The following PQBP1 variants were observed in gnomAD, a reference collection of about 807,000 sequenced individuals.
PQBP1 encodes the protein polyglutamine-binding protein 1.
In PQBP1, 3 loss-of-function variants were observed where a neutral mutation model predicts 20.9. That is an observed-to-expected ratio of 0.14 (90% confidence interval 0.07 to 0.37). The LOEUF (loss-of-function observed/expected upper bound fraction) is 0.37, where lower values mean the gene tolerates loss of function less well. PQBP1 is among the 10% of genes least tolerant of loss of function. PQBP1 has a pLI of 1.00. For missense variants in PQBP1, 162 were observed against 240.3 expected (o/e 0.67, Z 2.16); for synonymous variants, 83 against 93.8 (o/e 0.88, Z 0.67).
intron 5 of PQBP1, 87 bp from the exon 6 acceptor site, chrX:48,902,645 G>A (rs2063440602): frequency 1.7e-6 from 2 of 1,153,016 alleles, no homozygotes; most frequent in Non-Finnish European, 2.3e-6. Flanking sequence ...TGGCAGCCAG[G>A]GGCTTCATTT....
Position 48,903,034 on chromosome X carries a change from G to A in PQBP1, c.748G>A (p.Ala250Thr). 8.3e-7 allele frequency: 1 copy of A among 1,208,116 alleles called. No individual in the cohort carries two copies. The highest frequency in any genetic ancestry group is 1.1e-6 in the Non-Finnish European group (1 of 893,992). ...FQQRPYPSPG[A>T]VLRANAEASR... ...GCAGCGGCCGTATCCATCCCCAGGG[G>A]CTGTGCTCCGGGCCAATGCAGAGGC... The change falls in exon 7 of 7, where the codon GCT becomes ACT. Residue 250 changes from alanine to threonine, a missense_variant. Coordinates refer to ENST00000447146, the MANE Select transcript of PQBP1 (RefSeq NM_001032382.2).
chrX:48,898,785 CTTTT>C (rs34214032), intron 2 of PQBP1, among the ~76,000 whole-genome samples: 42 of 21,479 alleles, frequency 2.0e-3, no homozygotes, highest in Non-Finnish European at 2.9e-3. Context: ...ATATTTCATT[CTTTT>C]TTTTTTTTTT....
intron 1 of PQBP1, 187 bp from the exon 2 acceptor site, chrX:48,898,305 G>A (rs2063340737): frequency 1.6e-6 from 1 of 626,058 alleles, no homozygotes; most frequent in African/African-American, 2.2e-5. Context: ...TAGGGTTGGT[G>A]GGAGTTGCGA....
Position 48,897,971 on chromosome X carries a change from A to G in PQBP1, c.-130A>G, listed in dbSNP as rs2063333736. On this transcript the variant is annotated 5_prime_UTR_variant, in exon 1 of 7. Transcript: ENST00000447146. ...CGGGGAGTGAAGGCCTCGTTGAGAG[A>G]AGGTCTCATTCGGTGTTTTGGGAAG... The G allele has an allele frequency of 7.8e-6, 7 of 901,034 alleles. No homozygotes were observed. Among genetic ancestry groups the G allele is most frequent in the Non-Finnish European group, 8.9e-6 (6 of 673,183 alleles). The allele number at this position is 901,034 out of a possible 1,213,427, so 74.3% of individuals were successfully genotyped here.
In PQBP1 at chrX:48,901,989, A is replaced by T; in HGVS notation, c.239A>T (p.Asp80Val). Residue 80 changes from aspartate to valine, a missense_variant, in exon 4 of 7, where the codon GAC becomes GTC. Physicochemically the swap from Asp to Val is radical, Grantham distance 152 (BLOSUM62 -3). Coordinates refer to ENST00000447146, the MANE Select transcript of PQBP1 (RefSeq NM_001032382.2). ...CTTGTATCCTGGCTCTCCCCACATGACCCCAACTCCGTGGTTACCAAATCG... is the reference window on the plus strand; with the variant it reads ...CTTGTATCCTGGCTCTCCCCACATGTCCCCAACTCCGTGGTTACCAAATCG... The part of the protein sequence containing the change: ...TDLVSWLSPH[D>V]PNSVVTKSAK... The T allele has an allele frequency of 8.3e-7, 1 of 1,211,433 alleles. No individual in the cohort carries two copies. Among genetic ancestry groups the T allele is most frequent in the Non-Finnish European group, 1.1e-6 (1 of 895,452 alleles).
chrX:48,901,366 G>C (rs1233327938), intron 3 of PQBP1, 65 bp downstream of exon 3: 6 of 1,167,870 alleles, frequency 5.1e-6, no homozygotes, highest in Non-Finnish European at 5.7e-6. Flanking sequence ...TTGGTTGTGA[G>C]GTTTAGGGGG....
Sources: gnomAD v4.1 joint callset for allele counts (sites outside exome capture counted in the v4.1 genomes callset) on GRCh38, gnomAD v4.1.1 for gene constraint, MANE v1.5 for transcripts, NCBI Gene and HGNC (gene_info 2026-07-23, HGNC 2026-07-21) for gene names.